PDE4D: variants seen among roughly 807,000 people sequenced by gnomAD.
PDE4D encodes phosphodiesterase 4D.
PDE4D carries 24 observed loss-of-function variants against 87.4 expected under a neutral mutation model. The observed-to-expected ratio is 0.27, with a 90% CI of 0.20 to 0.39. The LOEUF is 0.39. PDE4D is among the 10% of genes least tolerant of loss of function. The probability of loss-of-function intolerance (pLI) is 1.00; values close to 1 mark genes in which losing one functional copy is unlikely to be tolerated. For synonymous variants in PDE4D, 384 were observed against 383.2 expected (o/e 1.00, Z -0.02); for missense variants, 714 against 1,041.0 (o/e 0.69, Z 4.32).
chr5:60,429,842 T>TG (rs1271789097), intron 1 of PDE4D: 29 of 344,346 alleles, frequency 8.4e-5, no homozygotes, highest in Non-Finnish European at 1.7e-5. Context: ...TAGTTTTTTT[T>TG]TTTTTGTTTT....
intron 1 of PDE4D, among the ~76,000 whole-genome samples, chr5:59,260,973 T>C (rs1581656390): frequency 6.8e-6 from 1 of 146,568 alleles, no homozygotes; most frequent in Admixed American, 6.8e-5. Flanking sequence ...GTAAATGGGA[T>C]GGGTTTTAAA....
intron 1 of PDE4D, among the ~76,000 whole-genome samples, chr5:60,428,167 G>A (rs1261802815): frequency 1.3e-5 from 2 of 152,218 alleles, no homozygotes; most frequent in African/African-American, 4.8e-5. Context: ...AGTGTGAAAT[G>A]TGGAGAGGTA....
chr5:60,343,897 G>C (rs1207831707), intron 1 of PDE4D, among the ~76,000 whole-genome samples: 1 of 151,582 alleles, frequency 6.6e-6, no homozygotes, highest in African/African-American at 2.4e-5. Context: ...ACCCCATTTG[G>C]CTTTTCAGCT....
At chr5:59,812,667 C>G (rs1385745036) in intron 1 of PDE4D, among the ~76,000 whole-genome samples, 1 of 141,360 alleles carries the variant, frequency 7.1e-6, no homozygotes, top group Non-Finnish European at 1.6e-5. Flanking sequence ...AGTGAGACTC[C>G]ATCTCAAAAA....
At chr5:59,803,381 C>T (rs1161438303) in intron 1 of PDE4D, among the ~76,000 whole-genome samples, 2 of 151,666 alleles carry the variant, frequency 1.3e-5, no homozygotes, top group Non-Finnish European at 2.9e-5. Flanking sequence ...TCACTGCAAC[C>T]TCCGCCCCCC....
chr5:59,132,805 A>C (rs1776471650), intron 5 of PDE4D, among the ~76,000 whole-genome samples: 1 of 152,184 alleles, frequency 6.6e-6, no homozygotes, highest in Non-Finnish European at 1.5e-5. Flanking sequence ...GATATACTAG[A>C]AATGTCCTTG....
chr5:59,710,645 T>C (rs918413010), intron 1 of PDE4D, among the ~76,000 whole-genome samples: 6 of 152,168 alleles, frequency 3.9e-5, no homozygotes, highest in Admixed American at 2.6e-4. Flanking sequence ...AGGATTGTGA[T>C]TGTAAATCCT....
In PDE4D at chr5:59,893,434, G is replaced by GGGTGGC; in HGVS notation, c.183_188dup (p.Pro62_Pro63dup). Reference sequence around the variant, plus strand: ...GACACTGGGGCTGGGGCTGGGGCGAGGGTGGCGGCGGCGGGGGCAGGTGGT... The same window carrying GGGTGGC: ...GACACTGGGGCTGGGGCTGGGGCGAGGGTGGCGGTGGCGGCGGCGGGGGCAGGTGGT... On this transcript the variant is annotated inframe_insertion, in exon 1 of 15. Coordinates refer to ENST00000340635, the MANE Select transcript of PDE4D (RefSeq NM_001104631.2). 6.6e-7 allele frequency: 1 copy of GGGTGGC among 1,508,416 alleles called. No homozygotes were observed. The highest frequency in any genetic ancestry group is 8.9e-7 in the Non-Finnish European group (1 of 1,126,032). 93.4% of individuals were successfully genotyped at this position (1,508,416 alleles called of 1,614,324 possible).
intron 1 of PDE4D, among the ~76,000 whole-genome samples, chr5:59,334,181 G>C (rs146481794): frequency 7.0e-6 from 1 of 143,210 alleles, no homozygotes; most frequent in Non-Finnish European, 1.5e-5. Context: ...TTGGCCACTT[G>C]TTTGATAATA....
At chr5:59,870,825 A>G (rs138135330) in intron 1 of PDE4D, among the ~76,000 whole-genome samples, 28 of 152,350 alleles carry the variant, frequency 1.8e-4, no homozygotes, top group African/African-American at 6.7e-4. Context: ...AGGACAGCAG[A>G]AAGGAAACCT....
intron 3 of PDE4D, among the ~76,000 whole-genome samples, chr5:59,916,946 C>A (rs1246695179): frequency 6.8e-6 from 1 of 147,276 alleles, no homozygotes; most frequent in South Asian, 2.2e-4. Context: ...CACCACCATG[C>A]CCGGCTAATT....
chr5:59,454,125 A>G (rs1799556975), intron 1 of PDE4D, among the ~76,000 whole-genome samples: 1 of 152,228 alleles, frequency 6.6e-6, no homozygotes, highest in Non-Finnish European at 1.5e-5. Flanking sequence ...TTTACTAGAT[A>G]TTTTAAGCAC....
intron 1 of PDE4D, among the ~76,000 whole-genome samples, chr5:60,250,519 A>G (rs1332391745): frequency 6.6e-6 from 1 of 152,020 alleles, no homozygotes; most frequent in Non-Finnish European, 1.5e-5. Context: ...TGGACCACAT[A>G]CTACAGTGGT....
rs1227137215 is a variant in PDE4D, at chr5:59,392,500, T to C, written c.456-176532A>G. ...ACTACCCTTTATATATATGTGTGTGTGTCTATATATATATATATATATATT... is the reference window on the plus strand; with the variant it reads ...ACTACCCTTTATATATATGTGTGTGCGTCTATATATATATATATATATATT... On this transcript the variant is annotated intron_variant, in intron 1 of 14. Transcript: ENST00000340635. Among the ~76,000 whole-genome samples, 5 of 131,810 alleles carry C rather than the reference T, an allele frequency of 3.8e-5. No homozygotes were observed. In the East Asian group the frequency reaches 1.1e-3, roughly 28 times the overall value. 86.5% of individuals were successfully genotyped at this position (131,810 alleles called of 152,430 possible).
At chr5:59,894,205 C>A (rs1028520634), upstream of PDE4D, among the ~76,000 whole-genome samples, 58 of 152,310 alleles carry the variant, frequency 3.8e-4, 1 homozygote, top group South Asian at 8.3e-4. Flanking sequence ...CTCCTCCACA[C>A]TGCTCCCCAC....
chr5:58,987,066 T>C (rs985519255), intron 11 of PDE4D, among the ~76,000 whole-genome samples: 2 of 152,144 alleles, frequency 1.3e-5, no homozygotes, highest in Non-Finnish European at 2.9e-5. Flanking sequence ...TTCATAAGCA[T>C]CAAAATAAAT....
intron 5 of PDE4D, among the ~76,000 whole-genome samples, chr5:59,090,807 C>CTTTTTTT (rs61610340): frequency 4.9e-4 from 52 of 105,996 alleles, no homozygotes; most frequent in African/African-American, 1.1e-3. Context: ...TTTTCTTTTT[C>CTTTTTTT]TTTTTTTTTT....
chr5:60,394,035 A>G (rs1762722600), intron 1 of PDE4D, among the ~76,000 whole-genome samples: 1 of 152,196 alleles, frequency 6.6e-6, no homozygotes, highest in Non-Finnish European at 1.5e-5. Flanking sequence ...TTAAGTGCTC[A>G]ATAAAGCTCT....
chr5:59,161,676 T>C (rs1377249683), intron 5 of PDE4D, among the ~76,000 whole-genome samples: 1 of 152,180 alleles, frequency 6.6e-6, no homozygotes, highest in Non-Finnish European at 1.5e-5. Context: ...AAGGAGGAAG[T>C]CCATTCAGGT....
Sources: gnomAD v4.1 joint callset for allele counts (sites outside exome capture counted in the v4.1 genomes callset) on GRCh38, gnomAD v4.1.1 for gene constraint, MANE v1.5 for transcripts, NCBI Gene and HGNC (gene_info 2026-07-23, HGNC 2026-07-21) for gene names.